Variants in KBTBD12 observed in about 807,000 individuals in gnomAD.
KBTBD12 encodes the protein kelch repeat and BTB domain-containing protein 12.
A neutral mutation model predicts 58.7 loss-of-function variants in KBTBD12; 53 were observed. The observed-to-expected ratio is 0.90, with a 90% CI of 0.72 to 1.14. The LOEUF is 1.14. KBTBD12 is among the 50% of genes most tolerant of loss of function. The pLI is 0.00. For missense variants in KBTBD12, 704 were observed against 751.3 expected, an observed-to-expected ratio of 0.94 and a Z score of 0.74; for synonymous variants, 236 against 259.8, an observed-to-expected ratio of 0.91 and a Z score of 0.88.
chr3:127,945,796 A>G (rs937520482), intron 4 of KBTBD12, among the ~76,000 whole-genome samples: 12 of 150,404 alleles, frequency 8.0e-5, no homozygotes, highest in Admixed American at 2.7e-4. Flanking sequence ...TTTCTGCCTT[A>G]GCCTCCCGAG....
In KBTBD12 at chr3:127,923,309, C is replaced by A; in HGVS notation, c.248C>A (p.Ser83Ter). Residue 83 changes from serine (S) to a stop codon, truncating the protein, a stop_gained, in exon 2 of 6, where the codon TCG becomes TAG. Transcript: ENST00000405109. LOFTEE classifies it high-confidence loss of function. ...TATGACATCACAGCAGAAAGTGTGT[C>A]GGTGTTATTAAATTACATGTACAAT... Reference protein sequence around the residue: ...ILYDITAESVSVLLNYMYNAA... With the variant: ...ILYDITAESV 6.2e-7 allele frequency: 1 copy of A among 1,613,636 alleles called. No individual in the cohort carries two copies. Among genetic ancestry groups the A allele is most frequent in the South Asian group, 1.1e-5 (1 of 91,042 alleles).
At chr3:127,974,375 G>A (rs940046725) in intron 5 of KBTBD12, among the ~76,000 whole-genome samples, 2 of 152,222 alleles carry the variant, frequency 1.3e-5, no homozygotes, top group South Asian at 2.1e-4. Context: ...TCCATGATAC[G>A]GAAAGAGGGC....
chr3:127,921,657 A>G (rs1939412973), intron 1 of KBTBD12, among the ~76,000 whole-genome samples: 1 of 152,136 alleles, frequency 6.6e-6, no homozygotes. Context: ...GTTGTATGAA[A>G]TGCAGTTGGA....
At chr3:127,930,475 T>C (rs1414638387) in intron 4 of KBTBD12, among the ~76,000 whole-genome samples, 192 bp downstream of exon 4, 1 of 152,204 alleles carries the variant, frequency 6.6e-6, no homozygotes, top group Non-Finnish European at 1.5e-5. Context: ...CATTGACATA[T>C]TGAGAGCAAA....
At chr3:127,946,083 A>G (rs1456184594) in intron 4 of KBTBD12, among the ~76,000 whole-genome samples, 1 of 152,244 alleles carries the variant, frequency 6.6e-6, no homozygotes, top group East Asian at 1.9e-4. Flanking sequence ...CAAACAATAT[A>G]AGAACCTGAC....
chr3:127,982,094 A>G (rs9872484), intron 5 of KBTBD12, among the ~76,000 whole-genome samples: 4,412 of 152,174 alleles, frequency 0.029, 219 homozygotes, highest in African/African-American at 0.1. Context: ...GCTGGCCTCT[A>G]TAGACAGCAT....
chr3:127,958,348 C>T (rs1354072837), intron 4 of KBTBD12, among the ~76,000 whole-genome samples: 1 of 152,174 alleles, frequency 6.6e-6, no homozygotes, highest in African/African-American at 2.4e-5. Flanking sequence ...TCCCACCCAC[C>T]ACGTCCAGGC....
At chr3:127,940,867 G>A (rs966579237) in intron 4 of KBTBD12, among the ~76,000 whole-genome samples, 1 of 152,048 alleles carries the variant, frequency 6.6e-6, no homozygotes, top group African/African-American at 2.4e-5. Flanking sequence ...GAAATGAAAA[G>A]GGATATTACT....
At chr3:127,971,046 A>C (rs1054086065) in intron 5 of KBTBD12, among the ~76,000 whole-genome samples, 1 of 152,168 alleles carries the variant, frequency 6.6e-6, no homozygotes, top group Admixed American at 6.5e-5. Flanking sequence ...GAGGAGAATT[A>C]AGCTGAACTG....
intron 4 of KBTBD12, among the ~76,000 whole-genome samples, chr3:127,953,794 G>T (rs1381345852): frequency 6.6e-6 from 1 of 152,174 alleles, no homozygotes; most frequent in African/African-American, 2.4e-5. Flanking sequence ...AATAGATATG[G>T]CCAGATTGCT....
At chr3:127,939,275 C>T (rs1324908592) in intron 4 of KBTBD12, among the ~76,000 whole-genome samples, 3 of 152,202 alleles carry the variant, frequency 2.0e-5, no homozygotes, top group Admixed American at 6.5e-5. Flanking sequence ...TTCGTCTTTT[C>T]CTTTCTCTCT....
At chr3:127,941,303 A>G (rs918609046) in intron 4 of KBTBD12, among the ~76,000 whole-genome samples, 3 of 152,228 alleles carry the variant, frequency 2.0e-5, no homozygotes, top group African/African-American at 7.2e-5. Flanking sequence ...AGTTCAACCC[A>G]GCAATATATG....
chr3:127,979,429 G>T (rs998436317), intron 5 of KBTBD12, among the ~76,000 whole-genome samples: 1 of 152,182 alleles, frequency 6.6e-6, no homozygotes, highest in Non-Finnish European at 1.5e-5. Flanking sequence ...AATTTGCATG[G>T]ACTTTTTCAG....
chr3:127,943,594 A>T (rs746936552), intron 4 of KBTBD12, among the ~76,000 whole-genome samples: 1 of 152,052 alleles, frequency 6.6e-6, no homozygotes, highest in Non-Finnish European at 1.5e-5. Flanking sequence ...TTTGGATATT[A>T]ACCCTTTTCA....
chr3:127,961,682 T>TG (rs1380243173), intron 4 of KBTBD12, among the ~76,000 whole-genome samples: 2 of 152,190 alleles, frequency 1.3e-5, no homozygotes, highest in African/African-American at 2.4e-5. Context: ...CACACTCACT[T>TG]GGACAGGCAG....
At position 127,928,096 on chromosome 3, in the gene KBTBD12, A is replaced by G. The variant is rs765779787; in HGVS notation, c.1341+62A>G. On this transcript the variant is annotated intron_variant, in intron 3 of 5. Coordinates refer to ENST00000405109, the MANE Select transcript of KBTBD12 (RefSeq NM_207335.4). ...ATACTGAGTCTGGCTGCTATGTTAA[A>G]CATTGTTGTAGTTGTTGAATGCTAA... 1.0e-5 allele frequency: 14 copies of G among 1,402,440 alleles called. No homozygotes were observed. The African/African-American group carries it at 1.3e-4, about 13-fold the overall frequency. The allele number at this position is 1,402,440 out of a possible 1,614,324, so 86.9% of individuals were successfully genotyped here. A position where few individuals can be genotyped will look rare whatever the true frequency, so the allele number is the denominator to read the frequency against.
At chr3:127,925,438 G>T (rs1417609071) in intron 2 of KBTBD12, among the ~76,000 whole-genome samples, 1 of 152,114 alleles carries the variant, frequency 6.6e-6, no homozygotes, top group Non-Finnish European at 1.5e-5. Flanking sequence ...TGGTACTTCA[G>T]GTTCTTTACA....
At chr3:127,983,701 G>A (rs571097150) in intron 5 of KBTBD12, among the ~76,000 whole-genome samples, 9 of 152,028 alleles carry the variant, frequency 5.9e-5, no homozygotes, top group East Asian at 1.9e-4. Flanking sequence ...TGCAGTGAGC[G>A]AGATTGCACC....
chr3:127,921,914 C>G (rs1939419795), intron 1 of KBTBD12, among the ~76,000 whole-genome samples: 1 of 152,052 alleles, frequency 6.6e-6, no homozygotes, highest in African/African-American at 2.4e-5. Flanking sequence ...ATAGTCACCC[C>G]AAAAGGATAT....
Sources: allele counts gnomAD v4.1 joint callset (sites outside exome capture counted in the v4.1 genomes callset), GRCh38; gene constraint gnomAD v4.1.1; transcripts MANE v1.5; gene names NCBI Gene and HGNC (gene_info 2026-07-23, HGNC 2026-07-21).